Variants in WDR49 observed in about 807,000 individuals in gnomAD.
WDR49 encodes cilia- and flagella-associated protein 337.
Under a neutral mutation model 119.5 loss-of-function variants are expected in WDR49, and 107 were observed. The ratio of observed to expected loss-of-function variants is 0.90; its 90% CI spans 0.77 to 1.05. WDR49 has a LOEUF of 1.05. Among genes scored for constraint, WDR49 ranks in the 50% least tolerant of loss-of-function variants. The probability of loss-of-function intolerance (pLI) is 0.00; values close to 1 mark genes in which losing one functional copy is unlikely to be tolerated. For synonymous variants in WDR49, 425 were observed against 418.8 expected (o/e 1.01, Z -0.18); for missense variants, 1,240 against 1,220.5 (o/e 1.02, Z -0.24).
intron 2 of WDR49, 52 bp downstream of exon 2, chr3:167,653,209 A>G: frequency 3.3e-6 from 5 of 1,515,468 alleles, no homozygotes; most frequent in Non-Finnish European, 4.4e-6. Flanking sequence ...GTTTCATTCT[A>G]GGCTCCTTCA....
intron 2 of WDR49, among the ~76,000 whole-genome samples, chr3:167,636,196 A>T (rs1364553288): frequency 1.3e-5 from 2 of 151,678 alleles, no homozygotes; most frequent in Non-Finnish European, 3.0e-5. Context: ...GCTTCCACTT[A>T]TGAGTGAGAA....
chr3:167,618,854 C>T (rs1318322575), intron 5 of WDR49, among the ~76,000 whole-genome samples: 1 of 152,124 alleles, frequency 6.6e-6, no homozygotes, highest in Non-Finnish European at 1.5e-5. Context: ...ACCTAGAGAA[C>T]AATCCTTGTC....
intron 17 of WDR49, among the ~76,000 whole-genome samples, chr3:167,501,718 T>A (rs945622050): frequency 5.3e-5 from 8 of 152,348 alleles, no homozygotes; most frequent in African/African-American, 1.9e-4. Flanking sequence ...GCAATATACC[T>A]TAGTATAATA....
intron 16 of WDR49, among the ~76,000 whole-genome samples, chr3:167,519,278 C>T (rs1752336432): frequency 6.6e-6 from 1 of 152,114 alleles, no homozygotes; most frequent in Admixed American, 6.6e-5. Context: ...CCAGCAATCT[C>T]ATTACTGGGT....
chr3:167,555,959 A>G (rs547464719), intron 9 of WDR49, among the ~76,000 whole-genome samples: 145 of 152,324 alleles, frequency 9.5e-4, no homozygotes, highest in Middle Eastern at 3.4e-3. Context: ...ACAGCATGTT[A>G]CTGTACTGAA....
At chr3:167,493,314 T>C (rs1249752002) in intron 18 of WDR49, among the ~76,000 whole-genome samples, 1 of 152,142 alleles carries the variant, frequency 6.6e-6, no homozygotes, top group African/African-American at 2.4e-5. Flanking sequence ...CTGATACCAC[T>C]CCATGAACGG....
At chr3:167,628,946 C>A (rs1361415583) in intron 2 of WDR49, among the ~76,000 whole-genome samples, 1 of 152,048 alleles carries the variant, frequency 6.6e-6, no homozygotes, top group Admixed American at 6.6e-5. Flanking sequence ...TCCCAAAAAT[C>A]TCTGAGGCTT....
intron 18 of WDR49, among the ~76,000 whole-genome samples, chr3:167,490,852 C>T (rs2108198676): frequency 6.6e-6 from 1 of 152,206 alleles, no homozygotes; most frequent in African/African-American, 2.4e-5. Flanking sequence ...GGAAACACCA[C>T]TTTCGGGATC....
intron 16 of WDR49, among the ~76,000 whole-genome samples, chr3:167,507,480 C>T (rs1304922586): frequency 6.6e-6 from 1 of 152,088 alleles, no homozygotes; most frequent in East Asian, 1.9e-4. Context: ...TACAGTTAGG[C>T]CTTGCAGTTA....
intron 18 of WDR49, among the ~76,000 whole-genome samples, chr3:167,480,989 C>T (rs1750698698): frequency 6.6e-6 from 1 of 150,958 alleles, no homozygotes; most frequent in African/African-American, 2.4e-5. Context: ...AGTCTGTCCC[C>T]ATGGGTTGTA....
At chr3:167,598,925 CCAAA>C (rs931497289) in intron 7 of WDR49, among the ~76,000 whole-genome samples, 1 of 152,198 alleles carries the variant, frequency 6.6e-6, no homozygotes, top group Non-Finnish European at 1.5e-5. Context: ...TTACTTTCTA[CCAAA>C]CAAATAGAGT....
chr3:167,479,003 A>AATG lies in WDR49; in HGVS notation c.3032-10_3032-8dup, dbSNP rs776951263. 1 of 1,555,322 alleles carries AATG rather than the reference A, an allele frequency of 6.4e-7. No individual in the cohort carries two copies. The highest frequency in any genetic ancestry group is 1.8e-5 in the Admixed American group (1 of 54,606). On this transcript the variant is annotated splice_region_variant and splice_polypyrimidine_tract_variant and intron_variant, in intron 18 of 18. Coordinates refer to ENST00000682715, the MANE Select transcript of WDR49 (RefSeq NM_001366157.1). ...TCAAATACAGCTTTCAAAGCTACAA[A>AATG]ATGATGAGGAAAATCACAAGTGAAT... is the stretch of plus-strand genomic sequence containing the variant.
chr3:167,528,593 C>T (rs746808407), intron 14 of WDR49, among the ~76,000 whole-genome samples: 3 of 149,482 alleles, frequency 2.0e-5, no homozygotes, highest in Non-Finnish European at 2.9e-5. Flanking sequence ...GTGGAACACT[C>T]CTGTAGTCCT....
At chr3:167,520,338 T>C (rs562138478) in intron 16 of WDR49, among the ~76,000 whole-genome samples, 23 of 152,260 alleles carry the variant, frequency 1.5e-4, no homozygotes, top group Non-Finnish European at 2.4e-4. Flanking sequence ...GAATCTGTAA[T>C]ACTTGCCTTC....
chr3:167,628,945 T>C (rs1717247465), intron 2 of WDR49, among the ~76,000 whole-genome samples: 1 of 152,030 alleles, frequency 6.6e-6, no homozygotes, highest in South Asian at 2.1e-4. Context: ...TTCCCAAAAA[T>C]CTCTGAGGCT....
At chr3:167,536,799 G>A (rs1386866898) in intron 11 of WDR49, 71 bp downstream of exon 11, 2 of 1,305,468 alleles carry the variant, frequency 1.5e-6, no homozygotes, top group Admixed American at 3.2e-5. Context: ...CTTTTCTAAA[G>A]GTGAGTGAGC....
At chr3:167,560,475 C>A (rs183562679) in intron 8 of WDR49, among the ~76,000 whole-genome samples, 8 of 152,178 alleles carry the variant, frequency 5.3e-5, no homozygotes, top group Admixed American at 4.6e-4. Flanking sequence ...CACCATTCAG[C>A]TTTAGTGTCT....
intron 11 of WDR49, among the ~76,000 whole-genome samples, chr3:167,535,588 C>T (rs1752992160): frequency 6.6e-6 from 1 of 151,954 alleles, no homozygotes; most frequent in Non-Finnish European, 1.5e-5. Context: ...ATCAAAAAAT[C>T]AAAAGATAAA....
chr3:167,608,598 T>G (rs941745453), intron 5 of WDR49, among the ~76,000 whole-genome samples: 5 of 152,042 alleles, frequency 3.3e-5, no homozygotes, highest in Non-Finnish European at 4.4e-5. Context: ...TTCCTGAGAG[T>G]GCCTGGGTAA....
Sources: allele counts gnomAD v4.1 joint callset (sites outside exome capture counted in the v4.1 genomes callset), GRCh38; gene constraint gnomAD v4.1.1; transcripts MANE v1.5; gene names NCBI Gene and HGNC (gene_info 2026-07-23, HGNC 2026-07-21).